Variants in MIPEP observed in about 807,000 individuals in gnomAD.
MIPEP encodes mitochondrial intermediate peptidase.
Under a neutral mutation model 90.3 loss-of-function variants are expected in MIPEP, and 79 were observed. The ratio of observed to expected loss-of-function variants is 0.87; its 90% CI spans 0.73 to 1.05. The LOEUF (loss-of-function observed/expected upper bound fraction) is 1.05. Among genes scored for constraint, MIPEP ranks in the 50% least tolerant of loss-of-function variants. The pLI is 0.00. For missense variants in MIPEP, 940 were observed against 905.6 expected (o/e 1.04, Z -0.49); for synonymous variants, 334 against 315.8 (o/e 1.06, Z -0.61).
At chr13:23,834,208 T>G (rs767529252) in intron 14 of MIPEP, among the ~76,000 whole-genome samples, 7 of 152,192 alleles carry the variant, frequency 4.6e-5, no homozygotes, top group Non-Finnish European at 7.4e-5. Flanking sequence ...CCGCACCCCC[T>G]GCGATCCGCT....
intron 18 of MIPEP, among the ~76,000 whole-genome samples, chr13:23,735,704 CT>C (rs1009804821): frequency 7.9e-5 from 12 of 152,004 alleles, no homozygotes; most frequent in African/African-American, 2.4e-4. Flanking sequence ...TTAGAGCTAA[CT>C]GGTTTGGTGA....
chr13:23,778,540 C>T (rs1313135719), intron 16 of MIPEP, among the ~76,000 whole-genome samples: 1 of 152,152 alleles, frequency 6.6e-6, no homozygotes, highest in Non-Finnish European at 1.5e-5. Flanking sequence ...TCAAAACTCA[C>T]TAATGAAAGA....
At chr13:23,765,171 T>C (rs1463045614) in intron 16 of MIPEP, among the ~76,000 whole-genome samples, 1 of 152,168 alleles carries the variant, frequency 6.6e-6, no homozygotes, top group Non-Finnish European at 1.5e-5. Flanking sequence ...TTGAACATGC[T>C]CAGATTTTGG....
chr13:23,875,762 A>G (rs764689041), intron 4 of MIPEP, among the ~76,000 whole-genome samples: 7 of 152,176 alleles, frequency 4.6e-5, no homozygotes, highest in Non-Finnish European at 1.0e-4. Flanking sequence ...CATATGAAAC[A>G]TTTAAAATCA....
Position 23,887,521 on chromosome 13 carries a change from T to C in MIPEP, c.190-1015A>G, listed in dbSNP as rs188992617. Among the ~76,000 whole-genome samples, 34 of 152,276 alleles carry C rather than the reference T, an allele frequency of 2.2e-4. No individual in the cohort carries two copies. The East Asian group carries it at 4.8e-3, about 22-fold the overall frequency. ...TCTGTACATCTGTAAAGCCCACACTTTTCCATACTTCTCTATTACAATTTA... is the reference window on the plus strand; with the variant it reads ...TCTGTACATCTGTAAAGCCCACACTCTTCCATACTTCTCTATTACAATTTA... On this transcript the variant is annotated intron_variant, in intron 1 of 18. Transcript: ENST00000382172.
intron 18 of MIPEP, among the ~76,000 whole-genome samples, chr13:23,738,126 T>C (rs759965637): frequency 6.6e-6 from 1 of 152,104 alleles, no homozygotes; most frequent in Non-Finnish European, 1.5e-5. Flanking sequence ...AAATGCCTAA[T>C]GTGAATTTCA....
chr13:23,874,700 TA>T, intron 5 of MIPEP, 145 bp downstream of exon 5: 2 of 632,274 alleles, frequency 3.2e-6, no homozygotes, highest in Non-Finnish European at 2.6e-6. Flanking sequence ...AAATACAATC[TA>T]AAGAAGAATT....
intron 16 of MIPEP, among the ~76,000 whole-genome samples, chr13:23,787,420 G>C (rs1952857184): frequency 6.6e-6 from 1 of 151,686 alleles, no homozygotes; most frequent in African/African-American, 2.4e-5. Flanking sequence ...GAGAGAGAGA[G>C]AGAGAGAAGA....
chr13:23,869,359 C>G lies in MIPEP; in HGVS notation c.876G>C (p.Leu292=). 1 of 1,613,592 alleles carries G rather than the reference C, an allele frequency of 6.2e-7. No homozygotes were observed. Among genetic ancestry groups the G allele is most frequent in the Non-Finnish European group, 8.5e-7 (1 of 1,179,906 alleles). The change falls in exon 7 of 19, where the codon CTG becomes CTC. Residue 292 remains leucine, a synonymous_variant. Transcript: ENST00000382172. The part of the protein sequence containing the change: ...LEELLSSRDL[L]AKLVGYSTFS... Reference sequence around the variant, plus strand: ...ACGTGGAATACCCCACCAACTTTGCCAGAAGATCTCTGCTGCTGAGCAATT... The same window carrying G: ...ACGTGGAATACCCCACCAACTTTGCGAGAAGATCTCTGCTGCTGAGCAATT...
chr13:23,772,247 A>G (rs1952660752), intron 16 of MIPEP, among the ~76,000 whole-genome samples: 2 of 152,120 alleles, frequency 1.3e-5, no homozygotes, highest in South Asian at 2.1e-4. Flanking sequence ...CATGTGATCA[A>G]TCCTCCCTGA....
At chr13:23,781,310 A>G (rs1952779924) in intron 16 of MIPEP, among the ~76,000 whole-genome samples, 1 of 152,194 alleles carries the variant, frequency 6.6e-6, no homozygotes, top group Admixed American at 6.5e-5. Context: ...CAACATTCTT[A>G]AAGAAAAGAA....
At chr13:23,735,273 C>A (rs138882119) in intron 18 of MIPEP, among the ~76,000 whole-genome samples, 76 of 152,236 alleles carry the variant, frequency 5.0e-4, no homozygotes, top group African/African-American at 1.6e-3. Flanking sequence ...CTTTGGAGCC[C>A]CCCTTCCTCT....
intron 13 of MIPEP, 74 bp from the exon 14 acceptor site, chr13:23,836,423 A>T (rs1428671853): frequency 1.3e-6 from 1 of 763,374 alleles, no homozygotes; most frequent in African/African-American, 1.8e-5. Flanking sequence ...TGCCCTTTAA[A>T]ACTTTTATTT....
In MIPEP at chr13:23,792,534, C is replaced by G. The variant is rs7321598; in HGVS notation, c.1848+13416G>C. Among the ~76,000 whole-genome samples, 862 of 152,236 alleles carry G rather than the reference C, an allele frequency of 5.7e-3. 9 individuals carry two copies. Among genetic ancestry groups the G allele is most frequent in the African/African-American group, 0.019 (807 of 41,548 alleles). On this transcript the variant is annotated intron_variant, in intron 16 of 18. Coordinates refer to ENST00000382172, the MANE Select transcript of MIPEP (RefSeq NM_005932.4). ...AGCTGGGACTACAGGTGCGTGCCAC[C>G]ATGCCCAGATAATTTTTTAGTCTAC...
At chr13:23,791,356 C>T (rs1952896314) in intron 16 of MIPEP, among the ~76,000 whole-genome samples, 1 of 152,200 alleles carries the variant, frequency 6.6e-6, no homozygotes, top group Non-Finnish European at 1.5e-5. Flanking sequence ...ACTCACATCT[C>T]CACTCTGCCA....
At chr13:23,832,610 G>A (rs116162324) in intron 14 of MIPEP, among the ~76,000 whole-genome samples, 1,968 of 152,180 alleles carry the variant, frequency 0.013, 40 homozygotes, top group African/African-American at 0.045. Context: ...AAGAAGTTAC[G>A]CGGAAGGTAA....
chr13:23,872,853 C>T (rs1369417337), intron 5 of MIPEP, among the ~76,000 whole-genome samples: 1 of 152,178 alleles, frequency 6.6e-6, no homozygotes, highest in Non-Finnish European at 1.5e-5. Context: ...GGATTCTCTA[C>T]TAGCAACCTT....
intron 16 of MIPEP, among the ~76,000 whole-genome samples, chr13:23,783,138 G>A (rs575350996): frequency 1.3e-5 from 2 of 152,110 alleles, no homozygotes; most frequent in Non-Finnish European, 2.9e-5. Context: ...CCAAAGCCGG[G>A]CAGAGACACA....
At chr13:23,874,792 T>C (rs1870987913) in intron 5 of MIPEP, 54 bp downstream of exon 5, 1 of 1,422,426 alleles carries the variant, frequency 7.0e-7, no homozygotes, top group Non-Finnish European at 9.6e-7. Context: ...AATAATGGTA[T>C]CAACTAAATG....
Sources: gnomAD v4.1 joint callset for allele counts (sites outside exome capture counted in the v4.1 genomes callset) on GRCh38, gnomAD v4.1.1 for gene constraint, MANE v1.5 for transcripts, NCBI Gene and HGNC (gene_info 2026-07-23, HGNC 2026-07-21) for gene names.